The following DCTPP1 variants were observed in gnomAD, a reference collection of about 807,000 sequenced individuals.
DCTPP1 encodes the protein XTP3-transactivated gene A protein.
In DCTPP1, 8 loss-of-function variants were observed where a neutral mutation model predicts 8.8. The ratio of observed to expected loss-of-function variants is 0.91; its 90% CI spans 0.54 to 1.64. The LOEUF (loss-of-function observed/expected upper bound fraction) is 1.64. DCTPP1 is among the 40% of genes most tolerant of loss of function. DCTPP1 has a pLI of 0.00. For synonymous variants in DCTPP1, 85 were observed against 92.1 expected (o/e 0.92, Z 0.44); for missense variants, 231 against 230.4 (o/e 1.00, Z -0.02).
rs750990261 is a variant in DCTPP1 at position 30,424,249 on chromosome 16, C to T, written c.497G>A (p.Gly166Asp). 6.2e-7 allele frequency: 1 copy of T among 1,614,138 alleles called. No homozygotes were observed. Among genetic ancestry groups the T allele is most frequent in the South Asian group, 1.1e-5 (1 of 91,074 alleles). ...GCCATCTTTCTAGGTTGAGGTCTGG[C>T]CTGTGGAGTCACAGGGAATGTCCGC... ...GPADIPCDST[G>D]QTST Residue 166 changes from glycine (G) to aspartate (D), a missense_variant, in exon 3 of 3, where the codon GGC becomes GAC. By Grantham distance (94) the Gly-to-Asp change is moderately conservative (BLOSUM62 -1). Transcript: ENST00000319285.
intron 2 of DCTPP1, among the ~76,000 whole-genome samples, chr16:30,424,969 C>T (rs2050184859): frequency 6.6e-6 from 1 of 152,254 alleles, no homozygotes; most frequent in Non-Finnish European, 1.5e-5. Context: ...CAACCTCCGC[C>T]TCCCGGGTTC....
At chr16:30,428,140 G>A (rs1339313913) in intron 2 of DCTPP1, among the ~76,000 whole-genome samples, 1 of 152,080 alleles carries the variant, frequency 6.6e-6, no homozygotes, top group Non-Finnish European at 1.5e-5. Context: ...ACTCATATCT[G>A]GTCAGGTCTT....
intron 2 of DCTPP1, among the ~76,000 whole-genome samples, chr16:30,426,507 T>C (rs1295687875): frequency 6.9e-6 from 1 of 144,664 alleles, no homozygotes; most frequent in African/African-American, 2.6e-5. Flanking sequence ...AGAGTCTTGC[T>C]GTTGCCTAAG....
Position 30,424,486 on chromosome 16 carries a change from C to CTGGGGGACCAGCCT in DCTPP1, c.246_259dup (p.Arg87LysfsTer25). 1 of 1,614,198 alleles carries CTGGGGGACCAGCCT rather than the reference C, an allele frequency of 6.2e-7. No homozygotes were observed. The highest frequency in any genetic ancestry group is 8.5e-7 in the Non-Finnish European group (1 of 1,180,046). On this transcript the variant is annotated frameshift_variant, in exon 3 of 3. Transcript: ENST00000319285. LOFTEE classifies it high-confidence loss of function. ...CTCCTCTTGAAGGGCTGCCCGTTCC[C>CTGGGGGACCAGCCT]TGGGGGACCAGCCTTGGGGGCCAGG...
intron 2 of DCTPP1, among the ~76,000 whole-genome samples, chr16:30,425,067 A>C (rs938476776): frequency 6.6e-6 from 1 of 152,208 alleles, no homozygotes; most frequent in African/African-American, 2.4e-5. Context: ...TCTAGTAGAG[A>C]CAGGGTTTTG....
rs62056264 is a variant in DCTPP1 at position 30,426,313 on chromosome 16, C to T, written c.213-1780G>A. Among the ~76,000 whole-genome samples, 1,290 of 149,252 alleles carry T rather than the reference C, an allele frequency of 8.6e-3. 8 individuals are homozygous for T. The highest frequency in any genetic ancestry group is 0.012 in the Non-Finnish European group (788 of 67,190). The stretch of plus-strand genomic sequence containing the variant: ...GCCTCAGCCTCCTGAGTAGCTGCGA[C>T]TACAGGCGCCTGCCACCACACCCAG... On this transcript the variant is annotated intron_variant, in intron 2 of 2. Transcript: ENST00000319285.
chr16:30,426,524 T>G (rs1231534092), intron 2 of DCTPP1, among the ~76,000 whole-genome samples: 1 of 143,144 alleles, frequency 7.0e-6, no homozygotes, highest in Non-Finnish European at 1.5e-5. Flanking sequence ...TAAGCTGGAG[T>G]GCAATGGCGT....
rs770715518 is a variant in DCTPP1 at position 30,429,140 on chromosome 16, C to T, written c.129G>A (p.Ala43=). 2 of 1,613,886 alleles carry T rather than the reference C, an allele frequency of 1.2e-6. No individual in the cohort carries two copies. The highest frequency in any genetic ancestry group is 1.7e-6 in the Non-Finnish European group (2 of 1,179,918). ...GATGGAACTGTTCCCAGTCTCGTTC[C>T]GCAGCAAACTCAGCATGGAGGCGGC... The part of the protein sequence containing the change: ...DIRRLHAEFA[A]ERDWEQFHQP... Residue 43 remains alanine (A), a synonymous_variant, in exon 2 of 3, where the codon GCG becomes GCA. Transcript: ENST00000319285.
Position 30,429,077 on chromosome 16 carries a change from C to T in DCTPP1, c.192G>A (p.Val64=), listed in dbSNP as rs777328069. Residue 64 remains valine, a synonymous_variant, in exon 2 of 3, where the codon GTG becomes GTA. Coordinates refer to ENST00000319285, the MANE Select transcript of DCTPP1 (RefSeq NM_024096.2). ...CTCACAAGAGTTCTGCCAGCTCCCC[C>T]ACTTCCCCAACCAAGGCCAGGAGGA... ...RNLLLALVGE[V]GELAELFQWK... The T allele has an allele frequency of 3.7e-6, 6 of 1,613,700 alleles. No individual in the cohort carries two copies. Among genetic ancestry groups the T allele is most frequent in the South Asian group, 3.3e-5 (3 of 90,986 alleles).
At chr16:30,427,310 C>A (rs1376593898) in intron 2 of DCTPP1, among the ~76,000 whole-genome samples, 21 of 150,560 alleles carry the variant, frequency 1.4e-4, no homozygotes, top group Admixed American at 1.4e-3. Context: ...CCGCCCAGCC[C>A]CTTTTTTGTT....
rs2050176797 is a variant in DCTPP1, at chr16:30,423,800, T to C, written c.*433A>G. On this transcript the variant is annotated 3_prime_UTR_variant, in exon 3 of 3. Coordinates refer to ENST00000319285, the MANE Select transcript of DCTPP1 (RefSeq NM_024096.2). ...AGCTTGCAAGTGTCAAAGATGGCAT[T>C]TGAACCCAGACAGCCTGGCTCCACC... 1 of 167,816 alleles carries C rather than the reference T, an allele frequency of 6.0e-6. No homozygotes were observed. Among genetic ancestry groups the C allele is most frequent in the African/African-American group, 2.4e-5 (1 of 41,712 alleles). 10.4% of individuals were successfully genotyped at this position (167,816 alleles called of 1,614,324 possible).
At chr16:30,429,832 G>A (rs1013160637) in intron 1 of DCTPP1, 48 bp downstream of exon 1, 1 of 1,558,150 alleles carries the variant, frequency 6.4e-7, no homozygotes, top group South Asian at 1.2e-5. Flanking sequence ...CCAAAACGCG[G>A]GAGAAAGGGG....
At chr16:30,424,671 G>A in intron 2 of DCTPP1, 138 bp from the exon 3 acceptor site, 2 of 1,039,754 alleles carry the variant, frequency 1.9e-6, no homozygotes, top group South Asian at 3.3e-5. Context: ...GTGGGGAAGA[G>A]ACCCCGACAG....
rs977135112 is a variant in DCTPP1 at position 30,425,170 on chromosome 16, G to A, written c.213-637C>T. Among the ~76,000 whole-genome samples, 48 of 151,674 alleles carry A rather than the reference G, an allele frequency of 3.2e-4. 1 individual carries two copies. The highest frequency in any genetic ancestry group is 1.1e-3 in the African/African-American group (44 of 41,336). ...GCTGGGATTACAGGCATGAGCCACCGCACCCGGCCCACACCATCTTTTAAA... is the reference window on the plus strand; with the variant it reads ...GCTGGGATTACAGGCATGAGCCACCACACCCGGCCCACACCATCTTTTAAA... On this transcript the variant is annotated intron_variant, in intron 2 of 2. Transcript: ENST00000319285.
rs759492520 is a variant in DCTPP1, at chr16:30,429,141, G to C, written c.128C>G (p.Ala43Gly). ...DIRRLHAEFAAERDWEQFHQP... is the reference protein window; with the variant it reads ...DIRRLHAEFAGERDWEQFHQP... ...ATGGAACTGTTCCCAGTCTCGTTCC[G>C]CAGCAAACTCAGCATGGAGGCGGCG... The change falls in exon 2 of 3, where the codon GCG (alanine) becomes GGG (glycine). Residue 43 changes from alanine to glycine, a missense_variant. Physicochemically the swap from Ala to Gly is moderately conservative, Grantham distance 60. Transcript: ENST00000319285. 2 of 1,613,858 alleles carry C rather than the reference G, an allele frequency of 1.2e-6. No individual in the cohort carries two copies. Among genetic ancestry groups the C allele is most frequent in the South Asian group, 1.1e-5 (1 of 90,996 alleles).
intron 2 of DCTPP1, among the ~76,000 whole-genome samples, chr16:30,427,732 C>A (rs971752530): frequency 3.9e-5 from 6 of 152,182 alleles, no homozygotes; most frequent in African/African-American, 1.4e-4. Context: ...AGTGGTTCAA[C>A]CTGTAACCCC....
At chr16:30,427,104 G>A (rs2050199067) in intron 2 of DCTPP1, among the ~76,000 whole-genome samples, 1 of 151,584 alleles carries the variant, frequency 6.6e-6, no homozygotes, top group African/African-American at 2.4e-5. Context: ...CCGCCTCCTG[G>A]GTTCACGCCA....
chr16:30,427,458 G>A (rs1367623484), intron 2 of DCTPP1, among the ~76,000 whole-genome samples: 7 of 151,770 alleles, frequency 4.6e-5, no homozygotes, highest in African/African-American at 1.7e-4. Flanking sequence ...GATTACAGGC[G>A]CCCGCCACCA....
Position 30,423,934 on chromosome 16 carries a change from C to T in DCTPP1, c.*299G>A. 1 of 365,452 alleles carries T rather than the reference C, an allele frequency of 2.7e-6. No homozygotes were observed. Among genetic ancestry groups the T allele is most frequent in the East Asian group, 5.4e-5 (1 of 18,536 alleles). The allele number at this position is 365,452 out of a possible 1,614,324, so 22.6% of individuals were successfully genotyped here. On this transcript the variant is annotated 3_prime_UTR_variant, in exon 3 of 3. Transcript: ENST00000319285. ...CTCTCTGCCCTGCAGGCAAAAGGTA[C>T]AACAGGGAAACACGAGAATGGGTCT...
Sources: allele counts gnomAD v4.1 joint callset (sites outside exome capture counted in the v4.1 genomes callset), GRCh38; gene constraint gnomAD v4.1.1; transcripts MANE v1.5; gene names NCBI Gene and HGNC (gene_info 2026-07-23, HGNC 2026-07-21).